Variants in ENOX1 observed in about 807,000 individuals in gnomAD.
The protein encoded by ENOX1 is candidate growth-related and time keeping constitutive hydroquinone (NADH) oxidase.
A neutral mutation model predicts 82.5 loss-of-function variants in ENOX1; 42 were observed. That is an observed-to-expected ratio of 0.51 (90% CI 0.40 to 0.66). ENOX1 has a LOEUF of 0.66. Among genes scored for constraint, ENOX1 ranks in the 30% least tolerant of loss-of-function variants. The pLI is 0.00. For missense variants in ENOX1, 608 were observed against 811.6 expected, an observed-to-expected ratio of 0.75 and a Z score of 3.05; for synonymous variants, 271 against 282.2, an observed-to-expected ratio of 0.96 and a Z score of 0.40.
intron 5 of ENOX1, among the ~76,000 whole-genome samples, chr13:43,368,929 G>A (rs375543968): frequency 1.3e-5 from 2 of 152,180 alleles, no homozygotes; most frequent in East Asian, 1.9e-4. Flanking sequence ...CAAGAGTCCT[G>A]CTGCATCTTC....
At chr13:43,436,895 T>C (rs773134505) in intron 3 of ENOX1, among the ~76,000 whole-genome samples, 3 of 152,162 alleles carry the variant, frequency 2.0e-5, no homozygotes, top group Non-Finnish European at 2.9e-5. Context: ...CAAAAAGAGA[T>C]GCCACTGTAG....
At chr13:43,298,662 A>ATT in intron 11 of ENOX1, 132 bp from the exon 12 acceptor site, 1 of 736,840 alleles carries the variant, frequency 1.4e-6, no homozygotes, top group Non-Finnish European at 2.1e-6. Context: ...GCAAAATGCC[A>ATT]CTCCCTGGGC....
chr13:43,239,359 C>A (rs755971633), intron 14 of ENOX1, among the ~76,000 whole-genome samples: 1 of 152,036 alleles, frequency 6.6e-6, no homozygotes, highest in Non-Finnish European at 1.5e-5. Context: ...GAGTTTTGTC[C>A]AGGTTGGAGA....
chr13:43,257,447 CTATT>C (rs2043814477), intron 14 of ENOX1, among the ~76,000 whole-genome samples: 1 of 151,854 alleles, frequency 6.6e-6, no homozygotes, highest in Non-Finnish European at 1.5e-5. Flanking sequence ...TTTTAAAAAC[CTATT>C]TAATAACATG....
At chr13:43,721,888 G>A (rs2088607913) in intron 1 of ENOX1, among the ~76,000 whole-genome samples, 1 of 152,090 alleles carries the variant, frequency 6.6e-6, no homozygotes, top group Admixed American at 6.6e-5. Flanking sequence ...GTAAACACTT[G>A]TTAAACATAG....
At chr13:43,604,242 T>C (rs987106939) in intron 2 of ENOX1, among the ~76,000 whole-genome samples, 12 of 151,696 alleles carry the variant, frequency 7.9e-5, no homozygotes, top group African/African-American at 2.9e-4. Context: ...GTTGTTTTTT[T>C]CTTGTAAATT....
intron 5 of ENOX1, among the ~76,000 whole-genome samples, chr13:43,388,589 G>A (rs1166329210): frequency 6.6e-6 from 1 of 152,200 alleles, no homozygotes. Flanking sequence ...GATGTGGAGT[G>A]TATCCATTTC....
chr13:43,432,503 C>T (rs565814794), intron 3 of ENOX1, among the ~76,000 whole-genome samples: 12 of 151,860 alleles, frequency 7.9e-5, no homozygotes, highest in Non-Finnish European at 1.2e-4. Context: ...ATGAGGTGGG[C>T]GTGGTGGCGC....
At chr13:43,464,847 T>C (rs1324180719) in intron 3 of ENOX1, among the ~76,000 whole-genome samples, 1 of 152,230 alleles carries the variant, frequency 6.6e-6, no homozygotes, top group Non-Finnish European at 1.5e-5. Flanking sequence ...TTGCATTGTG[T>C]CATCATGTCT....
At chr13:43,521,953 CTGTATAGAATCA>C (rs1267238921) in intron 2 of ENOX1, among the ~76,000 whole-genome samples, 4 of 152,078 alleles carry the variant, frequency 2.6e-5, no homozygotes, top group African/African-American at 4.8e-5. Flanking sequence ...ACTGCAGAAA[CTGTATAGAATCA>C]TGTATAGAAT....
intron 2 of ENOX1, among the ~76,000 whole-genome samples, chr13:43,501,673 TGAAAAG>T (rs981049710): frequency 1.4e-5 from 2 of 147,806 alleles, no homozygotes; most frequent in African/African-American, 5.0e-5. Flanking sequence ...CAAAAAGAAA[TGAAAAG>T]GAAATTTAAA....
intron 16 of ENOX1, among the ~76,000 whole-genome samples, chr13:43,221,367 T>C (rs2041779552): frequency 6.6e-6 from 1 of 152,192 alleles, no homozygotes. Flanking sequence ...AGACAAGAGG[T>C]TGGGCTTGAT....
At position 43,470,297 on chromosome 13, in the gene ENOX1, C is replaced by CGTATATATATGT. The variant is rs1555289809; in HGVS notation, c.-75+13711_-75+13712insACATATATATAC. ...ACATATATATACATATATATATACA[C>CGTATATATATGT]ATATATATACATATATATACACATA... On this transcript the variant is annotated intron_variant, in intron 3 of 16. Transcript: ENST00000690772. Among the ~76,000 whole-genome samples, 9 of 37,906 alleles carry CGTATATATATGT rather than the reference C, an allele frequency of 2.4e-4. No individual in the cohort carries two copies. The South Asian group carries it at 4.4e-3, about 19-fold the overall frequency. The allele number at this position is 37,906 out of a possible 152,430, so 24.9% of individuals were successfully genotyped here.
intron 1 of ENOX1, among the ~76,000 whole-genome samples, chr13:43,688,463 A>G (rs773176191): frequency 1.3e-5 from 2 of 152,214 alleles, no homozygotes; most frequent in Admixed American, 6.5e-5. Flanking sequence ...AAAGGACTAG[A>G]TAAGAAATGC....
intron 1 of ENOX1, among the ~76,000 whole-genome samples, chr13:43,686,541 C>G (rs142106649): frequency 6.6e-6 from 1 of 152,132 alleles, no homozygotes; most frequent in Non-Finnish European, 1.5e-5. Flanking sequence ...GTTCTGAACT[C>G]GAACCATATG....
intron 11 of ENOX1, among the ~76,000 whole-genome samples, chr13:43,311,755 G>T (rs1407840913): frequency 6.6e-6 from 1 of 152,216 alleles, no homozygotes; most frequent in East Asian, 1.9e-4. Flanking sequence ...GCACTGTAAA[G>T]AAGACAAAGG....
intron 5 of ENOX1, among the ~76,000 whole-genome samples, chr13:43,362,332 A>G (rs1535581): frequency 0.84 from 127,399 of 151,968 alleles, 53,501 homozygotes; most frequent in South Asian, 0.94. Flanking sequence ...TGAAAATACT[A>G]TACTGAGTAG....
chr13:43,334,480 G>C (rs1021202416), intron 9 of ENOX1, among the ~76,000 whole-genome samples: 1 of 152,142 alleles, frequency 6.6e-6, no homozygotes, highest in Non-Finnish European at 1.5e-5. Context: ...AGAGTCCCTG[G>C]GGGAGACAAC....
At chr13:43,567,577 T>C (rs2079976497) in intron 2 of ENOX1, among the ~76,000 whole-genome samples, 1 of 152,162 alleles carries the variant, frequency 6.6e-6, no homozygotes, top group African/African-American at 2.4e-5. Flanking sequence ...GGCTTGATAA[T>C]TAATTAATCT....
Sources: gnomAD v4.1 joint callset for allele counts (sites outside exome capture counted in the v4.1 genomes callset) on GRCh38, gnomAD v4.1.1 for gene constraint, MANE v1.5 for transcripts, NCBI Gene and HGNC (gene_info 2026-07-23, HGNC 2026-07-21) for gene names.